GTF2H2C: variants seen among roughly 807,000 people sequenced by gnomAD.
The protein encoded by GTF2H2C is general transcription factor IIH subunit 2-like protein.
Under a neutral mutation model 24.8 loss-of-function variants are expected in GTF2H2C, and 5 were observed. The ratio of observed to expected loss-of-function variants is 0.20; its 90% CI spans 0.11 to 0.42. GTF2H2C has a LOEUF of 0.42. Among genes scored for constraint, GTF2H2C ranks in the 20% least tolerant of loss-of-function variants. The pLI, the probability that GTF2H2C is intolerant of heterozygous loss-of-function variation, is 1.00. For missense variants in GTF2H2C, 45 were observed against 169.8 expected (o/e 0.27, Z 4.08); for synonymous variants, 14 against 52.6 (o/e 0.27, Z 3.18).
chr5:69,561,970 C>A (rs1471559940), intron 1 of GTF2H2C, among the ~76,000 whole-genome samples: 2 of 152,070 alleles, frequency 1.3e-5, no homozygotes, highest in East Asian at 3.9e-4. Context: ...GAACGTTATG[C>A]GAGTTTTTCA....
chr5:69,566,150 G>A lies in GTF2H2C; in HGVS notation c.76G>A (p.Glu26Lys), dbSNP rs1770743104. Residue 26 changes from glutamate (E) to lysine (K), a missense_variant, in exon 4 of 17, where the codon GAA becomes AAA. Coordinates refer to ENST00000380729, the MANE Select transcript of GTF2H2C (RefSeq NM_001376000.2). ...ERTWEILKED[E>K]SGSLKATIED... ...TTATAGGGAGATTCTTAAAGAAGAT[G>A]AATCTGGATCACTTAAAGCTACAAT... 1.2e-6 allele frequency: 2 copies of A among 1,600,596 alleles called. No individual in the cohort carries two copies. Among genetic ancestry groups the A allele is most frequent in the East Asian group, 4.5e-5 (2 of 44,734 alleles).
At chr5:69,562,359 C>T (rs1770422477) in intron 1 of GTF2H2C, among the ~76,000 whole-genome samples, 1 of 151,996 alleles carries the variant, frequency 6.6e-6, no homozygotes, top group Admixed American at 6.6e-5. Flanking sequence ...ACAGGCAGAT[C>T]ACTTGAGGTC....
intron 12 of GTF2H2C, among the ~76,000 whole-genome samples, chr5:69,581,218 T>TTCTTCTA (rs1208541901): frequency 6.9e-6 from 1 of 144,334 alleles, no homozygotes; most frequent in African/African-American, 2.5e-5. Context: ...AAATGTTATT[T>TTCTTCTA]TCTTCTATTT....
rs1771891032 is a variant in GTF2H2C, at chr5:69,589,797, A to T, written c.1029-531A>T. Among the ~76,000 whole-genome samples the T allele has an allele frequency of 1.4e-4, 15 of 105,926 alleles. No homozygotes were observed. In the South Asian group the frequency reaches 5.8e-3, roughly 41 times the overall value. 69.5% of individuals were successfully genotyped at this position (105,926 alleles called of 152,430 possible). On this transcript the variant is annotated intron_variant, in intron 15 of 16. Coordinates refer to ENST00000380729, the MANE Select transcript of GTF2H2C (RefSeq NM_001376000.2). The stretch of plus-strand genomic sequence containing the variant: ...TAAAGCATGCTCACAGTTAACCTTA[A>T]TGAAAATAAAAACTAAATTTTGGGC...
chr5:69,591,779 TG>T (rs1423713480), intron 16 of GTF2H2C, among the ~76,000 whole-genome samples: 3 of 115,438 alleles, frequency 2.6e-5, no homozygotes, highest in Admixed American at 9.9e-5. Context: ...AAAGTAGCGC[TG>T]GTTTGAAGCT....
At chr5:69,581,627 CT>C (rs924734833) in intron 12 of GTF2H2C, among the ~76,000 whole-genome samples, 1 of 93,864 alleles carries the variant, frequency 1.1e-5, no homozygotes, top group African/African-American at 4.1e-5. Flanking sequence ...GTTAACCCTT[CT>C]CAGTCACCCG....
intron 1 of GTF2H2C, among the ~76,000 whole-genome samples, chr5:69,560,867 C>T (rs1770280352): frequency 1.3e-5 from 2 of 151,948 alleles, no homozygotes; most frequent in Admixed American, 1.3e-4. Flanking sequence ...AAGCGATTCT[C>T]CTTCCTCAGC....
chr5:69,566,707 C>T, intron 5 of GTF2H2C, 82 bp downstream of exon 5: 1 of 684,788 alleles, frequency 1.5e-6, no homozygotes. Context: ...AAAACAATAG[C>T]AAAACAACAA....
chr5:69,563,404 G>A (rs1580614792), intron 2 of GTF2H2C, among the ~76,000 whole-genome samples: 1 of 151,470 alleles, frequency 6.6e-6, no homozygotes, highest in African/African-American at 2.4e-5. Flanking sequence ...TAGTAGAGAC[G>A]GGTGTTGCCA....
chr5:69,591,584 C>T (rs1771996998), intron 16 of GTF2H2C, among the ~76,000 whole-genome samples: 2 of 150,748 alleles, frequency 1.3e-5, no homozygotes, highest in African/African-American at 4.9e-5. Context: ...GCTGAAAGAA[C>T]AAATGTAGTT....
chr5:69,563,741 C>G (rs1770555601), intron 2 of GTF2H2C, among the ~76,000 whole-genome samples: 2 of 151,964 alleles, frequency 1.3e-5, no homozygotes, highest in Non-Finnish European at 1.5e-5. Context: ...TCGTTATGTC[C>G]ACGTGTACTC....
intron 1 of GTF2H2C, among the ~76,000 whole-genome samples, chr5:69,561,667 T>A (rs1177146655): frequency 3.3e-5 from 5 of 150,960 alleles, no homozygotes; most frequent in Non-Finnish European, 7.4e-5. Context: ...TTTTATTTAT[T>A]TTGAGATAGG....
rs1233356861 is a variant in GTF2H2C, at chr5:69,594,657, T to TCTATCTC, written c.*2461_*2467dup. 8.7e-6 allele frequency: 1 copy of TCTATCTC among 114,384 alleles called. No homozygotes were observed. The highest frequency in any genetic ancestry group is 3.4e-4 in the South Asian group (1 of 2,902). 7.1% of individuals were successfully genotyped at this position (114,384 alleles called of 1,614,324 possible). A position where few individuals can be genotyped will look rare whatever the true frequency, so the allele number is the denominator to read the frequency against. On this transcript the variant is annotated 3_prime_UTR_variant, in exon 17 of 17. Transcript: ENST00000380729. ...GAGATGCCTTTAATACTCAGAGCAT[T>TCTATCTC]CTATCTCCCCCTATCTGGTTTAGAA...
intron 12 of GTF2H2C, among the ~76,000 whole-genome samples, chr5:69,580,261 G>A (rs1387347918): frequency 7.8e-5 from 11 of 140,498 alleles, no homozygotes; most frequent in African/African-American, 3.0e-4. Flanking sequence ...AGGCGTGGTG[G>A]CGGGCGCCTG....
intron 8 of GTF2H2C, among the ~76,000 whole-genome samples, chr5:69,572,210 T>C: frequency 7.0e-6 from 1 of 143,770 alleles, no homozygotes; most frequent in Non-Finnish European, 1.5e-5. Context: ...AGTAAAAAAA[T>C]GCACTCTAGG....
intron 3 of GTF2H2C, chr5:69,565,917 T>G: frequency 1.7e-6 from 1 of 581,148 alleles, no homozygotes; most frequent in Non-Finnish European, 3.1e-6. Context: ...TCCTTTTTTA[T>G]TGCTGAATAG....
At chr5:69,561,933 C>T (rs1220795558) in intron 1 of GTF2H2C, among the ~76,000 whole-genome samples, 2 of 152,062 alleles carry the variant, frequency 1.3e-5, no homozygotes, top group African/African-American at 2.4e-5. Flanking sequence ...CTGTGCCCTG[C>T]GAAGAATTTG....
At position 69,560,339 on chromosome 5, in the gene GTF2H2C, T is replaced by C. The variant is rs2112147978; in HGVS notation, c.-196T>C. 6.7e-6 allele frequency: 1 copy of C among 148,626 alleles called. No individual in the cohort carries two copies. Among genetic ancestry groups the C allele is most frequent in the East Asian group, 2.0e-4 (1 of 5,036 alleles). 9.2% of individuals were successfully genotyped at this position (148,626 alleles called of 1,614,324 possible). A position where few individuals can be genotyped will look rare whatever the true frequency, so the allele number is the denominator to read the frequency against. On this transcript the variant is annotated 5_prime_UTR_variant, in exon 1 of 17. Transcript: ENST00000380729. ...GCGTTTTCGTGGCGGGGAACGGAGG[T>C]TGAATTGCCCTGCCTGGGCTCATAG...
At chr5:69,577,447 A>C (rs1163443362) in intron 9 of GTF2H2C, among the ~76,000 whole-genome samples, 1 of 139,162 alleles carries the variant, frequency 7.2e-6, no homozygotes, top group African/African-American at 2.9e-5. Context: ...TTTTTTTGAG[A>C]CGGAGTCTCG....
Sources: allele counts gnomAD v4.1 joint callset (sites outside exome capture counted in the v4.1 genomes callset), GRCh38; gene constraint gnomAD v4.1.1; transcripts MANE v1.5; gene names NCBI Gene and HGNC (gene_info 2026-07-23, HGNC 2026-07-21).